DISP1: variants seen among roughly 807,000 people sequenced by gnomAD.
DISP1 encodes dispatched RND transporter family member 1.
A neutral mutation model predicts 37.3 loss-of-function variants in DISP1; 30 were observed. The observed-to-expected ratio is 0.80, with a 90% CI of 0.60 to 1.09. The LOEUF is 1.09. Among genes scored for constraint, DISP1 ranks in the 50% least tolerant of loss-of-function variants. DISP1 has a pLI of 0.00. For missense variants in DISP1, 1,598 were observed against 1,879.5 expected, an observed-to-expected ratio of 0.85 and a Z score of 2.77; for synonymous variants, 634 against 690.2, an observed-to-expected ratio of 0.92 and a Z score of 1.28.
intron 3 of DISP1, among the ~76,000 whole-genome samples, chr1:222,977,779 T>C (rs2102675878): frequency 6.6e-6 from 1 of 152,092 alleles, no homozygotes; most frequent in Admixed American, 6.6e-5. Flanking sequence ...AGTGAGAACA[T>C]GCAGTGTTTG....
In DISP1 at chr1:223,002,483, C is replaced by A. The variant is rs1354070393; in HGVS notation, c.1086C>A (p.Asn362Lys). 1 of 1,614,178 alleles carries A rather than the reference C, an allele frequency of 6.2e-7. No homozygotes were observed. Among genetic ancestry groups the A allele is most frequent in the Non-Finnish European group, 8.5e-7 (1 of 1,180,046 alleles). ...TGGGAAACTACATCGCCATTCTGAA[C>A]AATAGATCGTCCTGTCAGAAAATAG... ...WTLGNYIAIL[N>K]NRSSCQKIVE... The change falls in exon 9 of 9, where the codon AAC becomes AAA. Residue 362 changes from asparagine (N) to lysine (K), a missense_variant. Transcript: ENST00000675850.
intron 4 of DISP1, among the ~76,000 whole-genome samples, chr1:222,989,750 T>C (rs1678547272): frequency 6.6e-6 from 1 of 152,160 alleles, no homozygotes; most frequent in Non-Finnish European, 1.5e-5. Flanking sequence ...GTGGATATGC[T>C]CACTGTAGTT....
chr1:222,920,062 T>C (rs1045465224), intron 1 of DISP1, among the ~76,000 whole-genome samples: 1 of 152,214 alleles, frequency 6.6e-6, no homozygotes, highest in Admixed American at 6.5e-5. Context: ...TTAGTTTGCA[T>C]GTATTTTTAT....
chr1:222,822,673 A>T (rs767884360), intron 1 of DISP1, among the ~76,000 whole-genome samples: 2 of 152,216 alleles, frequency 1.3e-5, no homozygotes, highest in Non-Finnish European at 2.9e-5. Flanking sequence ...CTGTTTTACA[A>T]TTCTACAGTT....
intron 1 of DISP1, chr1:222,872,223 T>A (rs1381969816): frequency 1.3e-5 from 2 of 152,318 alleles, no homozygotes; most frequent in Non-Finnish European, 2.9e-5. Flanking sequence ...TCAATGTTCA[T>A]CAAGGATATC....
intron 1 of DISP1, among the ~76,000 whole-genome samples, chr1:222,887,142 T>A (rs1670641737): frequency 6.6e-6 from 1 of 152,224 alleles, no homozygotes; most frequent in African/African-American, 2.4e-5. Context: ...TACCAAGTTA[T>A]CAGGTTTCTT....
intron 1 of DISP1, among the ~76,000 whole-genome samples, chr1:222,832,271 A>C (rs1665945015): frequency 6.6e-6 from 1 of 152,150 alleles, no homozygotes; most frequent in Non-Finnish European, 1.5e-5. Context: ...TCCAAGTTTA[A>C]GTCCTGATTT....
intron 1 of DISP1, among the ~76,000 whole-genome samples, chr1:222,817,144 T>C (rs1661453424): frequency 6.6e-6 from 1 of 152,258 alleles, no homozygotes; most frequent in Non-Finnish European, 1.5e-5. Flanking sequence ...TCTAATTGTT[T>C]AGTAAATTTA....
At chr1:222,942,747 CTT>C in intron 2 of DISP1, 58 bp from the exon 3 acceptor site, 1 of 1,590,568 alleles carries the variant, frequency 6.3e-7, no homozygotes, top group Middle Eastern at 1.7e-4. Context: ...TCATACTTGT[CTT>C]TCCTACATAT....
intron 1 of DISP1, among the ~76,000 whole-genome samples, chr1:222,900,739 CAAT>C (rs1671530539): frequency 6.6e-6 from 1 of 152,100 alleles, no homozygotes; most frequent in Admixed American, 6.6e-5. Flanking sequence ...GTAGTGAAGT[CAAT>C]GATGTTTTCA....
chr1:222,963,787 A>T (rs1676249503), intron 3 of DISP1, among the ~76,000 whole-genome samples: 1 of 151,972 alleles, frequency 6.6e-6, no homozygotes, highest in Non-Finnish European at 1.5e-5. Context: ...GAGAGAAGGG[A>T]ACTTAGAAGA....
intron 1 of DISP1, among the ~76,000 whole-genome samples, chr1:222,888,756 C>A (rs986193395): frequency 6.6e-6 from 1 of 151,932 alleles, no homozygotes; most frequent in Non-Finnish European, 1.5e-5. Context: ...AATTAAAATG[C>A]AAGGTTTCTT....
At chr1:222,939,231 G>A (rs1307687014) in intron 2 of DISP1, among the ~76,000 whole-genome samples, 5 of 152,066 alleles carry the variant, frequency 3.3e-5, no homozygotes, top group African/African-American at 1.2e-4. Flanking sequence ...CATGTTATAA[G>A]TGATGATTAG....
chr1:222,943,625 G>A, intron 3 of DISP1: 2 of 463,950 alleles, frequency 4.3e-6, no homozygotes, highest in African/African-American at 2.0e-5. Context: ...AAGTTTTATT[G>A]TTAGCAATTT....
chr1:222,830,252 G>T (rs181152334), intron 1 of DISP1, among the ~76,000 whole-genome samples: 3 of 151,844 alleles, frequency 2.0e-5, no homozygotes, highest in African/African-American at 7.3e-5. Context: ...TTATTTTTTT[G>T]GGGGGGTCAT....
chr1:222,876,243 T>C (rs918380593), intron 1 of DISP1, among the ~76,000 whole-genome samples: 1 of 152,202 alleles, frequency 6.6e-6, no homozygotes, highest in Non-Finnish European at 1.5e-5. Flanking sequence ...TGGTGAGGTA[T>C]GGCTGTGGTC....
intron 1 of DISP1, among the ~76,000 whole-genome samples, chr1:222,843,304 A>G (rs2125294359): frequency 6.6e-6 from 1 of 152,206 alleles, no homozygotes; most frequent in Middle Eastern, 3.4e-3. Flanking sequence ...GTGACTTGTA[A>G]TTAGTTCAGT....
chr1:222,877,698 C>A (rs1670042177), intron 1 of DISP1, among the ~76,000 whole-genome samples: 1 of 152,192 alleles, frequency 6.6e-6, no homozygotes, highest in Non-Finnish European at 1.5e-5. Context: ...ATCACCCAAA[C>A]AAATGTAAAT....
At chr1:222,977,335 G>A (rs1677425435) in intron 3 of DISP1, among the ~76,000 whole-genome samples, 2 of 117,564 alleles carry the variant, frequency 1.7e-5, no homozygotes, top group Non-Finnish European at 3.3e-5. Flanking sequence ...CGCCCGGTCA[G>A]CATATTCTTT....
Sources: allele counts gnomAD v4.1 joint callset (sites outside exome capture counted in the v4.1 genomes callset), GRCh38; gene constraint gnomAD v4.1.1; transcripts MANE v1.5; gene names NCBI Gene and HGNC (gene_info 2026-07-23, HGNC 2026-07-21).